HS3ST5: variants seen among roughly 807,000 people sequenced by gnomAD.
HS3ST5 encodes heparan sulfate-glucosamine 3-sulfotransferase 5, also known as heparan sulfate glucosamine 3-O-sulfotransferase 5.
HS3ST5 carries 10 observed loss-of-function variants against 25.4 expected under a neutral mutation model. The observed-to-expected ratio is 0.39, with a 90% CI of 0.24 to 0.67. The LOEUF (loss-of-function observed/expected upper bound fraction) is 0.67, where lower values mean the gene tolerates loss of function less well. Ranked by LOEUF, HS3ST5 falls within the 30% of genes least tolerant of loss-of-function variation. HS3ST5 has a pLI of 0.44. For synonymous variants in HS3ST5, 170 were observed against 162.4 expected, an observed-to-expected ratio of 1.05 and a Z score of -0.36; for missense variants, 324 against 420.7, an observed-to-expected ratio of 0.77 and a Z score of 2.01.
chr6:114,105,885 T>A (rs1367588936), intron 3 of HS3ST5, among the ~76,000 whole-genome samples: 1 of 152,156 alleles, frequency 6.6e-6, no homozygotes, highest in Non-Finnish European at 1.5e-5. Flanking sequence ...CAAATTAACA[T>A]TGCATATGAT....
chr6:114,238,167 T>C (rs1017233479), intron 1 of HS3ST5, among the ~76,000 whole-genome samples: 1 of 152,246 alleles, frequency 6.6e-6, no homozygotes, highest in African/African-American at 2.4e-5. Flanking sequence ...TGATTATTTA[T>C]TAGATGACTA....
chr6:114,210,295 C>T (rs1461042039), intron 2 of HS3ST5, among the ~76,000 whole-genome samples: 1 of 152,136 alleles, frequency 6.6e-6, no homozygotes, highest in African/African-American at 2.4e-5. Context: ...CTCTTGTAGA[C>T]TTGCACCTCA....
chr6:114,104,601 T>C (rs545038798), intron 3 of HS3ST5, among the ~76,000 whole-genome samples: 2 of 152,354 alleles, frequency 1.3e-5, no homozygotes, highest in South Asian at 2.1e-4. Context: ...TTCAGCAACA[T>C]GTCGGGCATG....
At chr6:114,302,258 C>T (rs905397254) in intron 1 of HS3ST5, among the ~76,000 whole-genome samples, 6 of 152,042 alleles carry the variant, frequency 3.9e-5, no homozygotes, top group Non-Finnish European at 8.8e-5. Flanking sequence ...CAACATAACC[C>T]TCAAAAAAGT....
chr6:114,170,706 G>C (rs1032233008), intron 2 of HS3ST5, among the ~76,000 whole-genome samples: 10 of 152,136 alleles, frequency 6.6e-5, no homozygotes, highest in African/African-American at 2.4e-4. Flanking sequence ...CATTTAAGTA[G>C]AGGAAAGAAC....
At chr6:114,281,142 C>T (rs974445991) in intron 1 of HS3ST5, among the ~76,000 whole-genome samples, 1 of 152,076 alleles carries the variant, frequency 6.6e-6, no homozygotes, top group South Asian at 2.1e-4. Context: ...AATAACGTAC[C>T]ATATCTCCAT....
chr6:114,123,592 C>G, intron 3 of HS3ST5, among the ~76,000 whole-genome samples: 1 of 152,164 alleles, frequency 6.6e-6, no homozygotes, highest in East Asian at 1.9e-4. Flanking sequence ...CCTTTCCAAT[C>G]AAGTCACTTT....
At chr6:114,145,192 G>A (rs2114944723) in intron 3 of HS3ST5, among the ~76,000 whole-genome samples, 1 of 152,294 alleles carries the variant, frequency 6.6e-6, no homozygotes, top group East Asian at 1.9e-4. Flanking sequence ...GCTTAGCTTT[G>A]TACTTCTAGG....
chr6:114,071,581 G>A (rs1773829496), intron 3 of HS3ST5, among the ~76,000 whole-genome samples: 1 of 152,078 alleles, frequency 6.6e-6, no homozygotes, highest in Non-Finnish European at 1.5e-5. Context: ...CAGCATTTAG[G>A]GTCATTGATA....
chr6:114,194,648 G>A (rs1040717680), intron 2 of HS3ST5, among the ~76,000 whole-genome samples: 2 of 152,124 alleles, frequency 1.3e-5, no homozygotes, highest in East Asian at 1.9e-4. Flanking sequence ...GAGGGTTTTC[G>A]TGTCCCCTGC....
At position 114,328,966 on chromosome 6, in the gene HS3ST5, GT is replaced by G. The variant is rs370970425; in HGVS notation, c.-339+13228del. Among the ~76,000 whole-genome samples, 1,513 of 152,086 alleles carry G rather than the reference GT, an allele frequency of 9.9e-3. 25 individuals are homozygous for G. The highest frequency in any genetic ancestry group is 0.034 in the African/African-American group (1,428 of 41,488). On this transcript the variant is annotated intron_variant, in intron 1 of 4. Transcript: ENST00000312719. ...GAGTCATAAAGTTTGAAGTTAAATAGTTTTTTTTAATATCTAAAATCTAACT... is the reference window on the plus strand; with the variant it reads ...GAGTCATAAAGTTTGAAGTTAAATAGTTTTTTTAATATCTAAAATCTAACT...
intron 3 of HS3ST5, among the ~76,000 whole-genome samples, chr6:114,081,462 A>G (rs1774446325): frequency 6.6e-6 from 1 of 152,228 alleles, no homozygotes; most frequent in Non-Finnish European, 1.5e-5. Context: ...GTAAAAGTAC[A>G]GAACTTAGAA....
intron 3 of HS3ST5, among the ~76,000 whole-genome samples, chr6:114,105,957 A>T (rs995820385): frequency 4.6e-5 from 7 of 152,166 alleles, no homozygotes; most frequent in Non-Finnish European, 8.8e-5. Context: ...TCCTTGTGGC[A>T]TTAGTGAAAT....
intron 2 of HS3ST5, among the ~76,000 whole-genome samples, chr6:114,193,983 C>T (rs1780623559): frequency 6.6e-6 from 1 of 152,044 alleles, no homozygotes; most frequent in Admixed American, 6.6e-5. Context: ...GATAAATGGG[C>T]CTATAAAAAT....
At chr6:114,138,566 T>C (rs1335902615) in intron 3 of HS3ST5, among the ~76,000 whole-genome samples, 13 of 152,192 alleles carry the variant, frequency 8.5e-5, no homozygotes. Flanking sequence ...ATATACACTT[T>C]AGTTTCCTTC....
intron 3 of HS3ST5, among the ~76,000 whole-genome samples, chr6:114,123,916 T>A (rs1343411455): frequency 6.6e-6 from 1 of 152,210 alleles, no homozygotes; most frequent in Non-Finnish European, 1.5e-5. Flanking sequence ...TGTTGCTCCA[T>A]GTATTTCTTT....
chr6:114,076,379 G>T (rs896107260), intron 3 of HS3ST5, among the ~76,000 whole-genome samples: 1 of 152,164 alleles, frequency 6.6e-6, no homozygotes, highest in Non-Finnish European at 1.5e-5. Flanking sequence ...AATGCAGAAG[G>T]AAGTAAAGAC....
chr6:114,094,740 A>G (rs1775329067), intron 3 of HS3ST5, among the ~76,000 whole-genome samples: 1 of 152,174 alleles, frequency 6.6e-6, no homozygotes, highest in Non-Finnish European at 1.5e-5. Context: ...CCTGATATTC[A>G]TGCTTTTGTA....
chr6:114,095,000 C>T (rs912399183), intron 3 of HS3ST5, among the ~76,000 whole-genome samples: 8 of 152,194 alleles, frequency 5.3e-5, no homozygotes, highest in Non-Finnish European at 1.0e-4. Context: ...TTAGTTTAGT[C>T]TCCAGATGAG....
Sources: allele counts gnomAD v4.1 joint callset (sites outside exome capture counted in the v4.1 genomes callset), GRCh38; gene constraint gnomAD v4.1.1; transcripts MANE v1.5; gene names NCBI Gene and HGNC (gene_info 2026-07-23, HGNC 2026-07-21).